TPTE2: variants seen among roughly 807,000 people sequenced by gnomAD.
The protein encoded by TPTE2 is transmembrane phosphoinositide 3-phosphatase and tensin homolog 2, also known as phosphatidylinositol 3,4,5-trisphosphate 3-phosphatase TPTE2.
TPTE2 carries 53 observed loss-of-function variants against 78.6 expected under a neutral mutation model. That is an observed-to-expected ratio of 0.67 (90% CI 0.54 to 0.85). The LOEUF is 0.85. Ranked by LOEUF, TPTE2 falls within the 40% of genes least tolerant of loss-of-function variation. The pLI is 0.00. For missense variants in TPTE2, 461 were observed against 623.0 expected (o/e 0.74, Z 2.77); for synonymous variants, 175 against 206.2 (o/e 0.85, Z 1.30).
chr13:19,475,438 C>A, intron 5 of TPTE2, 135 bp downstream of exon 8: 1 of 748,390 alleles, frequency 1.3e-6, no homozygotes, highest in Admixed American at 3.2e-5. Flanking sequence ...GTTAGCCAGG[C>A]TGGTCTTGAA....
chr13:19,498,715 C>T (rs1040865865), intron 1 of TPTE2, among the ~76,000 whole-genome samples: 3 of 152,094 alleles, frequency 2.0e-5, no homozygotes, highest in East Asian at 3.9e-4. Context: ...TAAAGACCAT[C>T]GAGACTAGGA....
upstream of TPTE2, among the ~76,000 whole-genome samples, chr13:19,504,648 A>G (rs748843897): frequency 6.6e-6 from 1 of 152,240 alleles, no homozygotes; most frequent in East Asian, 1.9e-4. Context: ...TGACAAGACA[A>G]TAACAAGAAG....
chr13:19,446,555 T>C (rs1463182183), intron 13 of TPTE2, among the ~76,000 whole-genome samples: 1 of 152,220 alleles, frequency 6.6e-6, no homozygotes, highest in Non-Finnish European at 1.5e-5. Context: ...ATATCTTTAC[T>C]ATATCAGTAT....
chr13:19,532,142 C>T (rs1384572913), intron 1 of TPTE2, among the ~76,000 whole-genome samples: 1 of 152,116 alleles, frequency 6.6e-6, no homozygotes, highest in Non-Finnish European at 1.5e-5. Flanking sequence ...TTAAACAGGC[C>T]TCCCAGCCAC....
At chr13:19,558,529 G>C in the TPTE2 span, among the ~76,000 whole-genome samples, 1 of 152,198 alleles carries the variant, frequency 6.6e-6, no homozygotes, top group South Asian at 2.1e-4. Context: ...TTTGAATTTT[G>C]ACTAGAATCT....
upstream of TPTE2, among the ~76,000 whole-genome samples, chr13:19,540,314 T>G (rs917799908): frequency 4.9e-5 from 3 of 61,560 alleles, no homozygotes; most frequent in South Asian, 6.5e-4. Flanking sequence ...TATTATGGTT[T>G]TTTTTAAGAC....
chr13:19,499,578 A>G (rs1433876927), intron 1 of TPTE2, among the ~76,000 whole-genome samples: 1 of 145,504 alleles, frequency 6.9e-6, no homozygotes, highest in Non-Finnish European at 1.5e-5. Flanking sequence ...GAAGGCAGAA[A>G]TAAAGATGTT....
In TPTE2 at chr13:19,430,567, T is replaced by C. The variant is rs1876503035; in HGVS notation, c.1223-20A>G. On this transcript the variant is annotated intron_variant, in intron 16 of 19. Coordinates refer to ENST00000400230, the Ensembl canonical transcript of TPTE2. ...CATCACCTGTTCCAACAAAATGAAA[T>C]TAAAAAGTTAGGTTGGTTAGCATGA... is the stretch of plus-strand genomic sequence containing the variant. 1.9e-6 allele frequency: 3 copies of C among 1,586,044 alleles called. No homozygotes were observed. The highest frequency in any genetic ancestry group is 2.6e-6 in the Non-Finnish European group (3 of 1,161,996).
intron 4 of TPTE2, among the ~76,000 whole-genome samples, chr13:19,475,867 GC>G (rs1362814568): frequency 6.6e-6 from 1 of 152,082 alleles, no homozygotes; most frequent in Non-Finnish European, 1.5e-5. Flanking sequence ...TGCATGCAAA[GC>G]CCCAACCCCA....
the TPTE2 span, among the ~76,000 whole-genome samples, chr13:19,553,879 A>C: frequency 9.8e-5 from 15 of 152,340 alleles, no homozygotes; most frequent in Admixed American, 7.2e-4. Context: ...GGATGTATAT[A>C]TTTGTCAAAA....
At chr13:19,543,308 C>T in the TPTE2 span, among the ~76,000 whole-genome samples, 3 of 150,920 alleles carry the variant, frequency 2.0e-5, no homozygotes, top group African/African-American at 7.3e-5. Context: ...CTGCCTCAGC[C>T]TCCCAAAGTG....
intron 17 of TPTE2, among the ~76,000 whole-genome samples, chr13:19,429,229 G>T (rs1237553282): frequency 1.3e-5 from 2 of 152,240 alleles, no homozygotes; most frequent in Admixed American, 6.5e-5. Flanking sequence ...GAAGGAGAAA[G>T]AAAGGGTAAG....
At chr13:19,560,923 C>T in the TPTE2 span, 7 of 1,595,878 alleles carry the variant, frequency 4.4e-6, no homozygotes, top group Non-Finnish European at 6.0e-6. Flanking sequence ...GACAGCTGTA[C>T]TCCATACTCC....
At chr13:19,559,119 C>T in the TPTE2 span, among the ~76,000 whole-genome samples, 1 of 152,150 alleles carries the variant, frequency 6.6e-6, no homozygotes, top group Non-Finnish European at 1.5e-5. Flanking sequence ...ATGTCTTCAC[C>T]AGCGTCAACT....
chr13:19,516,527 T>C (rs1354960606), intron 1 of TPTE2, among the ~76,000 whole-genome samples: 1 of 152,236 alleles, frequency 6.6e-6, no homozygotes, highest in East Asian at 1.9e-4. Context: ...GATCTTAAAA[T>C]GTCATATAAT....
At chr13:19,514,637 G>C (rs1869685860) in intron 1 of TPTE2, among the ~76,000 whole-genome samples, 1 of 150,928 alleles carries the variant, frequency 6.6e-6, no homozygotes, top group Non-Finnish European at 1.5e-5. Flanking sequence ...GTGTCTGTGT[G>C]TGAGAGAGAG....
intron 1 of TPTE2, among the ~76,000 whole-genome samples, chr13:19,534,381 C>T (rs1871079505): frequency 6.6e-6 from 1 of 152,166 alleles, no homozygotes; most frequent in Non-Finnish European, 1.5e-5. Context: ...TGAAACGCTC[C>T]CTTGGGGGCA....
At chr13:19,507,304 T>TAAAAAAAAAAAAAA (rs370011146), upstream of TPTE2, among the ~76,000 whole-genome samples, 1 of 112,196 alleles carries the variant, frequency 8.9e-6, no homozygotes, top group African/African-American at 3.6e-5. Context: ...CTAGCTGTTC[T>TAAAAAAAAAAAAAA]AAAAAAAAAA....
Position 19,482,480 on chromosome 13 carries a change from T to C in TPTE2, c.179+8A>G. 8 of 1,611,372 alleles carry C rather than the reference T, an allele frequency of 5.0e-6. No homozygotes were observed. Among genetic ancestry groups the C allele is most frequent in the Non-Finnish European group, 6.8e-6 (8 of 1,178,618 alleles). On this transcript the variant is annotated splice_region_variant and intron_variant, in intron 4 of 19. Coordinates refer to ENST00000400230, the Ensembl canonical transcript of TPTE2. ...GGCTCCCTCCTTTCAAACTTCAAAC[T>C]GACTTACTCATATGAAGCAACATTT... is the stretch of plus-strand genomic sequence containing the variant.
Sources: allele counts gnomAD v4.1 joint callset (sites outside exome capture counted in the v4.1 genomes callset), GRCh38; gene constraint gnomAD v4.1.1; transcripts MANE v1.5; gene names NCBI Gene and HGNC (gene_info 2026-07-23, HGNC 2026-07-21).